Variants in CIITA observed in about 807,000 individuals in gnomAD.
CIITA encodes MHC class II transactivator.
CIITA carries 72 observed loss-of-function variants against 115.1 expected under a neutral mutation model. The observed-to-expected ratio is 0.63, with a 90% CI of 0.52 to 0.76. CIITA has a LOEUF of 0.76. CIITA is among the 30% of genes least tolerant of loss of function. CIITA has a pLI of 0.00. For synonymous variants in CIITA, 763 were observed against 635.6 expected, an observed-to-expected ratio of 1.20 and a Z score of -3.02; for missense variants, 1,617 against 1,463.8, an observed-to-expected ratio of 1.10 and a Z score of -1.71.
intron 1 of CIITA, among the ~76,000 whole-genome samples, chr16:10,892,586 C>A (rs1489677454): frequency 6.6e-6 from 1 of 152,168 alleles, no homozygotes; most frequent in Non-Finnish European, 1.5e-5. Context: ...CATGTCAAAT[C>A]CCTGGAACCT....
chr16:10,890,612 T>C (rs1443355255), intron 1 of CIITA, among the ~76,000 whole-genome samples: 7 of 152,218 alleles, frequency 4.6e-5, no homozygotes, highest in Non-Finnish European at 7.4e-5. Flanking sequence ...CTTGTTCCTA[T>C]GAAGTCTGCA....
At chr16:10,866,539 G>A (rs1190223201) in intron 1 of CIITA, 2 of 550,016 alleles carry the variant, frequency 3.6e-6, no homozygotes, top group South Asian at 2.8e-5. Flanking sequence ...GCCCCCAGCA[G>A]CCGAGAGGGG....
intron 1 of CIITA, among the ~76,000 whole-genome samples, chr16:10,882,562 T>C (rs908200319): frequency 3.3e-5 from 5 of 151,586 alleles, no homozygotes; most frequent in African/African-American, 1.2e-4. Flanking sequence ...GACCTTTTTT[T>C]AGGAAAAAAA....
chr16:10,922,980 T>A, intron 18 of CIITA: 2 of 569,242 alleles, frequency 3.5e-6, no homozygotes, highest in Admixed American at 6.1e-5. Flanking sequence ...ATGAGGAAAA[T>A]AAAGCACAGA....
chr16:10,909,303 A>ATGCCC, intron 12 of CIITA, 116 bp downstream of exon 12: 1 of 1,089,266 alleles, frequency 9.2e-7, no homozygotes, highest in East Asian at 2.5e-5. Flanking sequence ...GGGACACCCC[A>ATGCCC]TGCCCTCTTT....
chr16:10,877,894 G>A (rs902676157), intron 1 of CIITA, among the ~76,000 whole-genome samples: 1 of 152,158 alleles, frequency 6.6e-6, no homozygotes, highest in African/African-American at 2.4e-5. Context: ...GTTTAAAAAG[G>A]GTCAGGGGAC....
Position 10,933,465 on chromosome 16 carries a change from G to A in CIITA, c.*9610G>A, listed in dbSNP as rs2040885870. The A allele has an allele frequency of 6.6e-6, 1 of 152,262 alleles. No individual in the cohort carries two copies. The highest frequency in any genetic ancestry group is 2.4e-5 in the African/African-American group (1 of 41,444). 9.4% of individuals were successfully genotyped at this position (152,262 alleles called of 1,614,324 possible). The stretch of plus-strand genomic sequence containing the variant: ...TGTGAGATCTGCATTTAGCCTGTCT[G>A]TGCTGATTGTGGTTCTGCCCCTTCC... On this transcript the variant is annotated 3_prime_UTR_variant, in exon 20 of 20. Transcript: ENST00000324288.
chr16:10,891,746 G>A (rs1223563384), intron 1 of CIITA, among the ~76,000 whole-genome samples: 1 of 152,214 alleles, frequency 6.6e-6, no homozygotes, highest in Non-Finnish European at 1.5e-5. Context: ...CCAAGGGGCT[G>A]GGAGAGGTGG....
In CIITA at chr16:10,922,309, T is replaced by C. The variant is rs561545490; in HGVS notation, c.3233+59T>C. On this transcript the variant is annotated intron_variant, in intron 17 of 19. Coordinates refer to ENST00000324288, the MANE Select transcript of CIITA (RefSeq NM_000246.4). ...GCCCGGGGTGGGAGACACTGAAGTC[T>C]CTCCCTGGTGTCCTGGAAGAGCTGG... 202 of 1,607,078 alleles carry C rather than the reference T, an allele frequency of 1.3e-4. 4 individuals carry two copies. In the South Asian group the frequency reaches 2.0e-3, roughly 16 times the overall value.
At position 10,907,455 on chromosome 16, in the gene CIITA, G is replaced by A. The variant is rs919087827; in HGVS notation, c.1963G>A (p.Gly655Arg). ...LGRAALDSPP[G>R]ALAELAKLAW... ...CCGTGCAGCCCTCGACAGCCCCCCC[G>A]GGGCCCTGGCAGAGCTGGCCAAGCT... The change falls in exon 11 of 20, where the codon GGG (glycine) becomes AGG (arginine). Residue 655 changes from glycine to arginine, a missense_variant. Physicochemically the swap from Gly to Arg is moderately radical, Grantham distance 125. Transcript: ENST00000324288. The surrounding 1 kb of genome is among the most constrained non-coding windows in gnomAD (Gnocchi z 5.0). 5.0e-6 allele frequency: 8 copies of A among 1,613,106 alleles called. No homozygotes were observed. The highest frequency in any genetic ancestry group is 1.3e-5 in the African/African-American group (1 of 74,906).
upstream of CIITA, chr16:10,877,091 C>G (rs1278756016): frequency 3.3e-6 from 2 of 607,992 alleles, no homozygotes; most frequent in East Asian, 5.5e-5. Context: ...TGTTCAGAAA[C>G]AGAAATCTGA....
At chr16:10,875,850 C>G (rs1230778859), upstream of CIITA, among the ~76,000 whole-genome samples, 2 of 152,046 alleles carry the variant, frequency 1.3e-5, no homozygotes, top group Non-Finnish European at 2.9e-5. Flanking sequence ...TTTAAAAAAT[C>G]ATTTGTAGAA....
At chr16:10,916,072 A>G (rs2039930391) in intron 14 of CIITA, among the ~76,000 whole-genome samples, 1 of 152,170 alleles carries the variant, frequency 6.6e-6, no homozygotes, top group African/African-American at 2.4e-5. Flanking sequence ...GCATAGTCCT[A>G]CTTTACAGTG....
chr16:10,935,303 G>C lies in CIITA; in HGVS notation c.*11448G>C, dbSNP rs1053008215. On this transcript the variant is annotated 3_prime_UTR_variant, in exon 20 of 20. Coordinates refer to ENST00000324288, the MANE Select transcript of CIITA (RefSeq NM_000246.4). The stretch of plus-strand genomic sequence containing the variant: ...TTTTCAGTTTTTGGTCAATCCTTAT[G>C]ATTATTTAGAGGAGAAAGTTCAGTT... 13 of 152,246 alleles carry C rather than the reference G, an allele frequency of 8.5e-5. No homozygotes were observed. The highest frequency in any genetic ancestry group is 3.1e-4 in the African/African-American group (13 of 41,456). 9.4% of individuals were successfully genotyped at this position (152,246 alleles called of 1,614,324 possible). A position where few individuals can be genotyped will look rare whatever the true frequency, so the allele number is the denominator to read the frequency against.
intron 1 of CIITA, chr16:10,866,524 C>A (rs2035078749): frequency 1.8e-6 from 1 of 554,060 alleles, no homozygotes; most frequent in South Asian, 1.4e-5. Flanking sequence ...CCGGAGTGGG[C>A]TGCAGCCCCC....
Position 10,933,170 on chromosome 16 carries a change from C to T in CIITA, c.*9315C>T, listed in dbSNP as rs2040871914. 6.6e-6 allele frequency: 1 copy of T among 152,230 alleles called. No homozygotes were observed. The highest frequency in any genetic ancestry group is 2.4e-5 in the African/African-American group (1 of 41,434). 9.4% of individuals were successfully genotyped at this position (152,230 alleles called of 1,614,324 possible). A position where few individuals can be genotyped will look rare whatever the true frequency, so the allele number is the denominator to read the frequency against. On this transcript the variant is annotated 3_prime_UTR_variant, in exon 20 of 20. Transcript: ENST00000324288. ...CCCCCTTTCTGAAACTGTAACCTTT[C>T]ATTCCAGCCATTCCCCAGAGCTGGA... is the stretch of plus-strand genomic sequence containing the variant.
At chr16:10,918,327 G>C (rs1567443316) in intron 15 of CIITA, 113 bp from the exon 16 acceptor site, 7 of 952,704 alleles carry the variant, frequency 7.3e-6, no homozygotes, top group Non-Finnish European at 1.2e-5. Flanking sequence ...CCGAGAGGTA[G>C]CTTAAGTCTG....
In CIITA at chr16:10,918,485, C is replaced by A. The variant is rs150276623; in HGVS notation, c.3108C>A (p.Ala1036=). Residue 1036 remains alanine (A), a synonymous_variant, in exon 16 of 20, where the codon GCC becomes GCA. Transcript: ENST00000324288. ...CTGACCTGGGTGCCTACAAACTCGC[C>A]GAGGCCCTGCCTTCGCTCGCTGCAT... ...NITDLGAYKL[A]EALPSLAASL... 4.3e-6 allele frequency: 7 copies of A among 1,614,168 alleles called. No individual in the cohort carries two copies. The Admixed American group carries it at 1.2e-4, about 27-fold the overall frequency.
rs373511328 is a variant in CIITA at position 10,915,585 on chromosome 16, A to G, written c.2904A>G (p.Ser968=). 4 of 1,613,956 alleles carry G rather than the reference A, an allele frequency of 2.5e-6. No homozygotes were observed. The highest frequency in any genetic ancestry group is 3.4e-6 in the Non-Finnish European group (4 of 1,179,978). The part of the protein sequence containing the change: ...KKLEFALGPV[S]GPQAFPKLVR... ...TGCCTCCTAGGCTGGGCCCTGTCTC[A>G]GGCCCCCAGGCTTTCCCCAAACTGG... Residue 968 remains serine (S), a synonymous_variant, in exon 14 of 20, where the codon TCA becomes TCG. Transcript: ENST00000324288.
Sources: allele counts gnomAD v4.1 joint callset (sites outside exome capture counted in the v4.1 genomes callset), GRCh38; gene constraint gnomAD v4.1.1; non-coding constraint Gnocchi (gnomAD v3.1); transcripts MANE v1.5; gene names NCBI Gene and HGNC (gene_info 2026-07-23, HGNC 2026-07-21).